The following SLIT2 variants were observed in gnomAD, a reference collection of about 807,000 sequenced individuals.
SLIT2 encodes the protein slit guidance ligand 2, also known as slit homolog 2 protein.
Under a neutral mutation model 185.7 loss-of-function variants are expected in SLIT2, and 41 were observed. The observed-to-expected ratio is 0.22, with a 90% confidence interval of 0.17 to 0.29. SLIT2 has a LOEUF of 0.29. Ranked by LOEUF, SLIT2 falls within the 10% of genes least tolerant of loss-of-function variation. The pLI is 1.00. For missense variants in SLIT2, 1,571 were observed against 1,909.0 expected (o/e 0.82, Z 3.30); for synonymous variants, 693 against 680.2 (o/e 1.02, Z -0.29).
chr4:20,263,425 C>T (rs575710433), intron 3 of SLIT2, among the ~76,000 whole-genome samples: 2 of 151,748 alleles, frequency 1.3e-5, no homozygotes, highest in Non-Finnish European at 3.0e-5. Context: ...GGAGCATTGG[C>T]TCTTTGCTGC....
At chr4:20,296,461 AATTGGT>A (rs1716494358) in intron 4 of SLIT2, among the ~76,000 whole-genome samples, 2 of 152,234 alleles carry the variant, frequency 1.3e-5, no homozygotes, top group African/African-American at 4.8e-5. Context: ...TAATTACAGC[AATTGGT>A]AAAGAAGTTT....
chr4:20,514,028 T>G (rs1274642825), intron 11 of SLIT2, among the ~76,000 whole-genome samples: 1 of 152,128 alleles, frequency 6.6e-6, no homozygotes, highest in Non-Finnish European at 1.5e-5. Flanking sequence ...GGAAAGCCAG[T>G]GAAAGCTAGA....
intron 4 of SLIT2, among the ~76,000 whole-genome samples, chr4:20,434,296 T>A (rs974129881): frequency 3.2e-5 from 4 of 124,578 alleles, no homozygotes; most frequent in Admixed American, 7.7e-5. Context: ...GAGACCAGCC[T>A]GACCAACATG....
At chr4:20,524,736 G>A (rs1298735866) in intron 14 of SLIT2, among the ~76,000 whole-genome samples, 1 of 152,062 alleles carries the variant, frequency 6.6e-6, no homozygotes, top group Non-Finnish European at 1.5e-5. Flanking sequence ...AAAATATTGT[G>A]GGAATATTGC....
intron 4 of SLIT2, among the ~76,000 whole-genome samples, chr4:20,272,487 T>C (rs1713730637): frequency 6.6e-6 from 1 of 152,096 alleles, no homozygotes; most frequent in Non-Finnish European, 1.5e-5. Flanking sequence ...TGAGTACTAA[T>C]ACAAATCTTC....
At chr4:20,473,267 A>G (rs1172543781) in intron 5 of SLIT2, among the ~76,000 whole-genome samples, 2 of 151,982 alleles carry the variant, frequency 1.3e-5, no homozygotes, top group African/African-American at 2.4e-5. Context: ...TGAGTCTTAT[A>G]ATCCTTTTCC....
intron 29 of SLIT2, among the ~76,000 whole-genome samples, chr4:20,575,891 G>T (rs1388509086): frequency 6.6e-6 from 1 of 151,382 alleles, no homozygotes; most frequent in East Asian, 2.0e-4. Context: ...CAGGTGGTTA[G>T]TTTGTGTAGG....
intron 11 of SLIT2, among the ~76,000 whole-genome samples, chr4:20,511,603 TA>T (rs1284798295): frequency 6.9e-6 from 1 of 144,238 alleles, no homozygotes; most frequent in Non-Finnish European, 1.5e-5. Context: ...TTTTTTTTTT[TA>T]TTTTTGGTAG....
intron 4 of SLIT2, among the ~76,000 whole-genome samples, chr4:20,367,921 C>A (rs1413262928): frequency 6.6e-6 from 1 of 152,048 alleles, no homozygotes; most frequent in Non-Finnish European, 1.5e-5. Context: ...TTTCAGTCAG[C>A]CTTCGTTGGA....
intron 4 of SLIT2, among the ~76,000 whole-genome samples, chr4:20,328,632 G>A (rs1560321658): frequency 1.3e-5 from 2 of 152,040 alleles, no homozygotes; most frequent in Non-Finnish European, 2.9e-5. Context: ...GGGTATGTGG[G>A]ACTTCAAGAA....
chr4:20,549,630 G>A (rs1409657100), intron 24 of SLIT2, among the ~76,000 whole-genome samples: 1 of 151,592 alleles, frequency 6.6e-6, no homozygotes, highest in Non-Finnish European at 1.5e-5. Flanking sequence ...GTAGGCCCAT[G>A]GCTATATAGC....
In SLIT2 at chr4:20,619,018, C is replaced by T. The variant is rs1431071885; in HGVS notation, c.*9C>T. On this transcript the variant is annotated 3_prime_UTR_variant, in exon 37 of 37. Transcript: ENST00000504154. ...CGAGGTGTGTGTCCTAAACACACTC[C>T]CGGCAGCTCTGTCTTTGGAAAAGGT... is the stretch of plus-strand genomic sequence containing the variant. 4 of 1,603,918 alleles carry T rather than the reference C, an allele frequency of 2.5e-6. No individual in the cohort carries two copies. The highest frequency in any genetic ancestry group is 2.2e-5 in the South Asian group (2 of 90,852).
intron 4 of SLIT2, among the ~76,000 whole-genome samples, chr4:20,345,219 T>C (rs1212141312): frequency 6.6e-6 from 1 of 152,216 alleles, no homozygotes; most frequent in African/African-American, 2.4e-5. Flanking sequence ...CCTGTGAGAA[T>C]AGAGGATATT....
chr4:20,591,027 G>A (rs1727475755), intron 30 of SLIT2, among the ~76,000 whole-genome samples: 1 of 152,164 alleles, frequency 6.6e-6, no homozygotes, highest in Non-Finnish European at 1.5e-5. Context: ...GTTGAGCTGT[G>A]CTTTCATCAG....
chr4:20,561,204 C>T (rs571769465), intron 26 of SLIT2, among the ~76,000 whole-genome samples: 1 of 151,852 alleles, frequency 6.6e-6, no homozygotes, highest in Admixed American at 6.6e-5. Flanking sequence ...TACCTCATTA[C>T]TTCATTTGTA....
At chr4:20,507,578 A>T (rs527373936) in intron 9 of SLIT2, among the ~76,000 whole-genome samples, 11 of 151,908 alleles carry the variant, frequency 7.2e-5, no homozygotes, top group African/African-American at 2.6e-4. Flanking sequence ...AAATGTATGA[A>T]CATCTCTGTT....
chr4:20,477,535 G>A (rs1364323206), intron 5 of SLIT2, among the ~76,000 whole-genome samples: 2 of 152,108 alleles, frequency 1.3e-5, no homozygotes, highest in Admixed American at 6.5e-5. Context: ...CATCATTTCC[G>A]TGAGATTAAA....
chr4:20,306,540 A>T lies in SLIT2; in HGVS notation c.395+37659A>T, dbSNP rs61407278. Among the ~76,000 whole-genome samples the T allele has an allele frequency of 5.0e-3, 758 of 152,316 alleles. 7 individuals are homozygous for T. The highest frequency in any genetic ancestry group is 0.018 in the African/African-American group (736 of 41,562). On this transcript the variant is annotated intron_variant, in intron 4 of 36. Transcript: ENST00000504154. ...AGGGACTCAAATTAGGAAGCTTGAG[A>T]ATTACAAGCCAGGTAATCCATTGAG...
chr4:20,599,610 T>C (rs558721948), intron 33 of SLIT2, among the ~76,000 whole-genome samples: 1 of 152,212 alleles, frequency 6.6e-6, no homozygotes, highest in Non-Finnish European at 1.5e-5. Context: ...TTTCATCTAC[T>C]CAGTTCTTCG....
Sources: gnomAD v4.1 joint callset for allele counts (sites outside exome capture counted in the v4.1 genomes callset) on GRCh38, gnomAD v4.1.1 for gene constraint, MANE v1.5 for transcripts, NCBI Gene and HGNC (gene_info 2026-07-23, HGNC 2026-07-21) for gene names.